AR: variants seen among roughly 807,000 people sequenced by gnomAD.
AR encodes dihydrotestosterone receptor.
Under a neutral mutation model 53.9 loss-of-function variants are expected in AR, and 8 were observed. That is an observed-to-expected ratio of 0.15 (90% CI 0.09 to 0.27). AR has a LOEUF of 0.27. AR is among the 10% of genes least tolerant of loss of function. The pLI is 1.00. For synonymous variants in AR, 359 were observed against 316.4 expected (o/e 1.13, Z -1.43); for missense variants, 639 against 742.5 (o/e 0.86, Z 1.62).
intron 1 of AR, among the ~76,000 whole-genome samples, chrX:67,558,451 C>G (rs1921150922): frequency 8.9e-6 from 1 of 111,796 alleles, no homozygotes; most frequent in African/African-American, 3.3e-5. Flanking sequence ...CCACAAGGTT[C>G]TAACTACTGT....
At chrX:67,620,814 G>A (rs1924336827) in intron 1 of AR, among the ~76,000 whole-genome samples, 1 of 111,468 alleles carries the variant, frequency 9.0e-6, no homozygotes, top group African/African-American at 3.3e-5. Context: ...CTTATGATAG[G>A]GGATAAGGAT....
At chrX:67,676,957 C>A (rs922580369) in intron 2 of AR, among the ~76,000 whole-genome samples, 2 of 110,537 alleles carry the variant, frequency 1.8e-5, no homozygotes, top group African/African-American at 3.3e-5. Flanking sequence ...TTGTTTTTTT[C>A]TTGATGCCCA....
intron 2 of AR, among the ~76,000 whole-genome samples, chrX:67,667,068 T>G (rs903972337): frequency 2.8e-4 from 31 of 111,543 alleles, no homozygotes; most frequent in African/African-American, 9.8e-4. Context: ...TTTAACTTGA[T>G]GTGACCTCAT....
intron 2 of AR, among the ~76,000 whole-genome samples, chrX:67,673,789 T>G (rs1569302313): frequency 9.0e-6 from 1 of 111,456 alleles, no homozygotes; most frequent in Non-Finnish European, 1.9e-5. Flanking sequence ...GATTGCTATC[T>G]GGTGCTTTAT....
rs11351755 is a variant in AR at position 67,724,277 on chromosome X, C to CA, written c.*447dup. On this transcript the variant is annotated 3_prime_UTR_variant, in exon 8 of 8. Transcript: ENST00000374690. ...GGAAATCAAAACAAAAACAAGCAAA[C>CA]AAAAAAAAAAAGCAAAAACAAAACA... 72 of 151,011 alleles carry CA rather than the reference C, an allele frequency of 4.8e-4. No homozygotes were observed. The highest frequency in any genetic ancestry group is 1.7e-3 in the African/African-American group (47 of 26,962). The allele number at this position is 151,011 out of a possible 1,213,427, so 12.4% of individuals were successfully genotyped here. A position where few individuals can be genotyped will look rare whatever the true frequency, so the allele number is the denominator to read the frequency against.
At chrX:67,695,558 A>T in intron 3 of AR, 1 of 753,995 alleles carries the variant, frequency 1.3e-6, no homozygotes, top group Non-Finnish European at 1.6e-6. Flanking sequence ...GTCAAAGAAG[A>T]ATCACTTAGA....
At chrX:67,631,091 C>G (rs1427151413) in intron 1 of AR, among the ~76,000 whole-genome samples, 2 of 111,295 alleles carry the variant, frequency 1.8e-5, no homozygotes, top group African/African-American at 6.5e-5. Context: ...TTCATTTCAA[C>G]TTTTTTGAAT....
chrX:67,664,945 G>A (rs775134005), intron 2 of AR, among the ~76,000 whole-genome samples: 1 of 112,921 alleles, frequency 8.9e-6, no homozygotes, highest in East Asian at 2.8e-4. Context: ...CTGGTGTGCC[G>A]TTTGTGAAGA....
rs369682242 is a variant in AR, at chrX:67,553,179, G to T, written c.1616+6417G>T. Among the ~76,000 whole-genome samples, 7 of 111,856 alleles carry T rather than the reference G, an allele frequency of 6.3e-5. No individual in the cohort carries two copies. In the East Asian group the frequency reaches 1.1e-3, roughly 18 times the overall value. On this transcript the variant is annotated intron_variant, in intron 1 of 7. Transcript: ENST00000374690. ...GATTTACATATGTTTCCTTCTAAGAGTTTTATAGTTTTCGCTATTTACATT... is the reference window on the plus strand; with the variant it reads ...GATTTACATATGTTTCCTTCTAAGATTTTTATAGTTTTCGCTATTTACATT...
At chrX:67,628,458 G>T (rs1472818320) in intron 1 of AR, among the ~76,000 whole-genome samples, 1 of 107,284 alleles carries the variant, frequency 9.3e-6, no homozygotes, top group African/African-American at 3.3e-5. Flanking sequence ...TGGTGTATAA[G>T]AATGCTGTGA....
In AR at chrX:67,545,316, TGCAGCAGCAGCAGCAGCAGCAGCAGCA is replaced by T. The variant is rs3032358; in HGVS notation, c.213_239del (p.Gln72_Gln80del). ...CCTCCCGGCGCCAGTTTGCTGCTGC[TGCAGCAGCAGCAGCAGCAGCAGCAGCA>T]GCAGCAGCAGCAGCAGCAGCAGCAG... On this transcript the variant is annotated inframe_deletion, in exon 1 of 8. Coordinates refer to ENST00000374690, the MANE Select transcript of AR (RefSeq NM_000044.6). The T allele has an allele frequency of 9.8e-4, 985 of 1,003,367 alleles. 7 individuals carry two copies. Among genetic ancestry groups the T allele is most frequent in the African/African-American group, 5.6e-3 (236 of 42,511 alleles). 82.7% of individuals were successfully genotyped at this position (1,003,367 alleles called of 1,213,427 possible).
At chrX:67,701,674 T>TCACACACA (rs3070104) in intron 3 of AR, among the ~76,000 whole-genome samples, 1 of 97,493 alleles carries the variant, frequency 1.0e-5, no homozygotes, top group East Asian at 3.3e-4. Flanking sequence ...TACTAACCAT[T>TCACACACA]CACACACACA....
chrX:67,653,359 A>G (rs1926437391), intron 2 of AR, among the ~76,000 whole-genome samples: 1 of 111,928 alleles, frequency 8.9e-6, no homozygotes. Flanking sequence ...TACTAAAAGT[A>G]GGTACATAAT....
chrX:67,721,983 G>GAA lies in AR; in HGVS notation c.2449+20_2449+21insAA, dbSNP rs1195531004. 1 of 1,208,116 alleles carries GAA rather than the reference G, an allele frequency of 8.3e-7. No homozygotes were observed. The highest frequency in any genetic ancestry group is 1.8e-5 in the African/African-American group (1 of 56,995). ...GCATTAGTAAGTGCCTAGAAGTGCAGGGAATGCCCCCTGAGGGCACAGAGA... is the reference window on the plus strand; with the variant it reads ...GCATTAGTAAGTGCCTAGAAGTGCAGAAGGAATGCCCCCTGAGGGCACAGAGA... On this transcript the variant is annotated intron_variant, in intron 6 of 7. Transcript: ENST00000374690.
rs752853456 is a variant in AR at position 67,674,067 on chromosome X, C to A, written c.1769-11943C>A. 2.7e-5 allele frequency among the ~76,000 whole-genome samples: 3 copies of A among 110,544 alleles called. No homozygotes were observed. The East Asian group carries it at 8.6e-4, about 32-fold the overall frequency. Reference sequence around the variant, plus strand: ...TCTTTCAGACTCATAGAGTTACTGCCTGCATGCTCTTGGGTAAGAGCCAGG... The same window carrying A: ...TCTTTCAGACTCATAGAGTTACTGCATGCATGCTCTTGGGTAAGAGCCAGG... On this transcript the variant is annotated intron_variant, in intron 2 of 7. Transcript: ENST00000374690.
At chrX:67,666,728 C>T (rs1927282337) in intron 2 of AR, among the ~76,000 whole-genome samples, 1 of 111,614 alleles carries the variant, frequency 9.0e-6, no homozygotes, top group African/African-American at 3.3e-5. Flanking sequence ...TTCATTACTG[C>T]CTGTTCTTTG....
intron 3 of AR, chrX:67,694,618 G>A (rs1247195762): frequency 2.6e-6 from 3 of 1,151,092 alleles, no homozygotes; most frequent in Non-Finnish European, 3.4e-6. Context: ...GAGCCTGCTA[G>A]ATACAAGCCC....
At chrX:67,594,961 A>AAG (rs897354505) in intron 1 of AR, among the ~76,000 whole-genome samples, 77 of 109,405 alleles carry the variant, frequency 7.0e-4, no homozygotes, top group African/African-American at 2.2e-3. Flanking sequence ...AGAAAGAAAG[A>AAG]AGAGAGAGAG....
chrX:67,626,358 T>C (rs1330116178), intron 1 of AR, among the ~76,000 whole-genome samples: 4 of 108,328 alleles, frequency 3.7e-5, no homozygotes, highest in Non-Finnish European at 7.6e-5. Flanking sequence ...GTAAAGTTTG[T>C]CTTTCTGTGC....
Sources: allele counts gnomAD v4.1 joint callset (sites outside exome capture counted in the v4.1 genomes callset), GRCh38; gene constraint gnomAD v4.1.1; transcripts MANE v1.5; gene names NCBI Gene and HGNC (gene_info 2026-07-23, HGNC 2026-07-21).